Variants in LRRC69 observed in about 807,000 individuals in gnomAD.
The protein encoded by LRRC69 is leucine rich repeat containing 69.
LRRC69 carries 42 observed loss-of-function variants against 37.8 expected under a neutral mutation model. That is an observed-to-expected ratio of 1.11 (90% CI 0.87 to 1.44). The LOEUF (loss-of-function observed/expected upper bound fraction) is 1.44. Among genes scored for constraint, LRRC69 ranks in the 40% most tolerant of loss-of-function variants. LRRC69 has a pLI of 0.00. For missense variants in LRRC69, 357 were observed against 401.9 expected, an observed-to-expected ratio of 0.89 and a Z score of 0.96; for synonymous variants, 141 against 143.1, an observed-to-expected ratio of 0.99 and a Z score of 0.11.
At chr8:91,217,743 AG>A (rs1810080061) in intron 7 of LRRC69, among the ~76,000 whole-genome samples, 1 of 152,244 alleles carries the variant, frequency 6.6e-6, no homozygotes. Context: ...GATCCCAGAC[AG>A]GAAAAACCAA....
chr8:91,210,476 G>A (rs1236796746), intron 7 of LRRC69, among the ~76,000 whole-genome samples: 1 of 151,850 alleles, frequency 6.6e-6, no homozygotes, highest in Non-Finnish European at 1.5e-5. Flanking sequence ...TTGACTTGCA[G>A]AGTAAGAAAA....
intron 1 of LRRC69, among the ~76,000 whole-genome samples, chr8:91,113,972 C>CAAAAAAAAAAAAA (rs34806474): frequency 5.0e-5 from 3 of 60,510 alleles, no homozygotes; most frequent in East Asian, 7.2e-4. Context: ...AGACTTGTCT[C>CAAAAAAAAAAAAA]AAAAAAAAAA....
At chr8:91,150,064 A>G (rs1808703134) in intron 5 of LRRC69, among the ~76,000 whole-genome samples, 1 of 151,942 alleles carries the variant, frequency 6.6e-6, no homozygotes, top group Admixed American at 6.6e-5. Flanking sequence ...TTCCTAATTG[A>G]ATACCCTTTA....
intron 5 of LRRC69, among the ~76,000 whole-genome samples, chr8:91,170,304 TGCTGCATAAATGGCCATACTGCCCAA>T (rs1563612852): frequency 2.0e-5 from 3 of 148,590 alleles, no homozygotes; most frequent in Non-Finnish European, 3.0e-5. Flanking sequence ...ATGTGTTTTT[TGCTGCATAAATGGCCATACTGCCCAA>T]GGTAATTTAC....
At chr8:91,107,415 G>T (rs534944726) in intron 1 of LRRC69, among the ~76,000 whole-genome samples, 3 of 151,910 alleles carry the variant, frequency 2.0e-5, no homozygotes, top group African/African-American at 4.8e-5. Flanking sequence ...GGGATTACAG[G>T]CATGAGCCAC....
At chr8:91,132,015 T>A (rs981761057) in intron 3 of LRRC69, among the ~76,000 whole-genome samples, 4 of 152,002 alleles carry the variant, frequency 2.6e-5, no homozygotes, top group African/African-American at 9.6e-5. Flanking sequence ...TTCATATGGC[T>A]TCTACTATGT....
At chr8:91,124,803 T>TTTCTTA (rs1813691196) in intron 2 of LRRC69, 184 bp downstream of exon 2, 1 of 489,474 alleles carries the variant, frequency 2.0e-6, no homozygotes, top group South Asian at 2.7e-5. Context: ...CATATGTTTA[T>TTTCTTA]TTACATGTAG....
chr8:91,153,363 C>T (rs1387842949), intron 5 of LRRC69, among the ~76,000 whole-genome samples: 1 of 151,218 alleles, frequency 6.6e-6, no homozygotes, highest in Non-Finnish European at 1.5e-5. Flanking sequence ...TCAAGTGGAC[C>T]TGATAGATAT....
intron 5 of LRRC69, among the ~76,000 whole-genome samples, chr8:91,176,386 C>T (rs139188099): frequency 6.6e-6 from 1 of 152,050 alleles, no homozygotes; most frequent in African/African-American, 2.4e-5. Flanking sequence ...ACCTTGTGAT[C>T]TGCCTGCCTA....
intron 3 of LRRC69, among the ~76,000 whole-genome samples, chr8:91,127,864 G>C (rs1306940989): frequency 1.3e-5 from 2 of 151,938 alleles, no homozygotes; most frequent in Non-Finnish European, 2.9e-5. Context: ...ACAAAACTTT[G>C]AACAGTCCTC....
At chr8:91,168,782 AAAG>A (rs1405270532) in intron 5 of LRRC69, among the ~76,000 whole-genome samples, 1 of 151,916 alleles carries the variant, frequency 6.6e-6, no homozygotes, top group African/African-American at 2.4e-5. Flanking sequence ...AAAAATATAG[AAAG>A]AATAATGAAT....
intron 5 of LRRC69, among the ~76,000 whole-genome samples, chr8:91,160,562 C>T (rs1808921478): frequency 6.6e-6 from 1 of 150,974 alleles, no homozygotes; most frequent in Non-Finnish European, 1.5e-5. Flanking sequence ...ATAGTGAGTT[C>T]TTATGAGATC....
chr8:91,132,145 T>A (rs1234017057), intron 3 of LRRC69, among the ~76,000 whole-genome samples: 2 of 151,976 alleles, frequency 1.3e-5, no homozygotes, highest in African/African-American at 4.8e-5. Context: ...ATTACTTCAA[T>A]CTTAACACAC....
At chr8:91,150,737 C>G (rs1201834177) in intron 5 of LRRC69, among the ~76,000 whole-genome samples, 1 of 151,496 alleles carries the variant, frequency 6.6e-6, no homozygotes, top group Non-Finnish European at 1.5e-5. Flanking sequence ...GGTTGGTAAG[C>G]TATTAATTAT....
At chr8:91,157,430 T>G (rs1808855932) in intron 5 of LRRC69, 1 of 1,607,254 alleles carries the variant, frequency 6.2e-7, no homozygotes, top group East Asian at 2.2e-5. Flanking sequence ...AAAGATATAT[T>G]CACTGGGCTT....
intron 5 of LRRC69, among the ~76,000 whole-genome samples, chr8:91,184,991 AG>A (rs1386953530): frequency 6.6e-6 from 1 of 152,098 alleles, no homozygotes; most frequent in African/African-American, 2.4e-5. Flanking sequence ...TGGTTGTAAG[AG>A]GGGGAGTGAA....
At chr8:91,143,685 T>C (rs760592813) in intron 5 of LRRC69, among the ~76,000 whole-genome samples, 10 of 152,000 alleles carry the variant, frequency 6.6e-5, no homozygotes, top group Non-Finnish European at 1.2e-4. Flanking sequence ...CTATTCCGTT[T>C]CATCAATGCC....
At chr8:91,210,562 G>GACACACACACACACACACACACACACAC (rs35968986) in intron 7 of LRRC69, among the ~76,000 whole-genome samples, 3 of 146,098 alleles carry the variant, frequency 2.1e-5, no homozygotes, top group South Asian at 2.1e-4. Context: ...CACACACACA[G>GACACACACACACACACACACACACACAC]ACACACACAC....
intron 7 of LRRC69, among the ~76,000 whole-genome samples, chr8:91,207,718 A>G (rs1425598364): frequency 6.6e-6 from 1 of 152,248 alleles, no homozygotes; most frequent in East Asian, 1.9e-4. Context: ...AAATTGCACA[A>G]TGTGTACAGT....
Sources: gnomAD v4.1 joint callset for allele counts (sites outside exome capture counted in the v4.1 genomes callset) on GRCh38, gnomAD v4.1.1 for gene constraint, MANE v1.5 for transcripts, NCBI Gene and HGNC (gene_info 2026-07-23, HGNC 2026-07-21) for gene names.